MALRD1: variants seen among roughly 807,000 people sequenced by gnomAD.
The protein encoded by MALRD1 is MAM and LDL receptor class A domain containing 1.
Under a neutral mutation model 242.1 loss-of-function variants are expected in MALRD1, and 247 were observed. That is an observed-to-expected ratio of 1.02 (90% CI 0.92 to 1.13). The LOEUF is 1.13. Among genes scored for constraint, MALRD1 ranks in the 50% most tolerant of loss-of-function variants. MALRD1 has a pLI of 0.00. For missense variants in MALRD1, 2,989 were observed against 2,533.1 expected (o/e 1.18, Z -3.86); for synonymous variants, 995 against 866.6 (o/e 1.15, Z -2.60).
intron 29 of MALRD1, among the ~76,000 whole-genome samples, chr10:19,468,614 C>T (rs560798698): frequency 2.2e-4 from 34 of 151,666 alleles, no homozygotes; most frequent in South Asian, 2.1e-4. Context: ...TCTTTGGCAA[C>T]GAGATAAAAT....
At chr10:19,319,704 G>T (rs1436328693) in intron 21 of MALRD1, among the ~76,000 whole-genome samples, 1 of 151,992 alleles carries the variant, frequency 6.6e-6, no homozygotes, top group Non-Finnish European at 1.5e-5. Context: ...TCACGCGGTA[G>T]AAGGGACTTG....
At chr10:19,626,991 G>C (rs550179973) in intron 36 of MALRD1, among the ~76,000 whole-genome samples, 1 of 152,116 alleles carries the variant, frequency 6.6e-6, no homozygotes, top group African/African-American at 2.4e-5. Flanking sequence ...TATGAAGCTG[G>C]AACAGGAATA....
chr10:19,337,843 A>G (rs1440213306), intron 24 of MALRD1, among the ~76,000 whole-genome samples: 1 of 151,986 alleles, frequency 6.6e-6, no homozygotes, highest in Non-Finnish European at 1.5e-5. Flanking sequence ...TGGGTGGATC[A>G]TGAGGTCAGG....
intron 32 of MALRD1, among the ~76,000 whole-genome samples, chr10:19,557,410 A>G (rs1371102690): frequency 6.6e-6 from 1 of 152,102 alleles, no homozygotes; most frequent in Non-Finnish European, 1.5e-5. Context: ...CAAGTTTTAT[A>G]GTTTGCAGTT....
chr10:19,323,998 T>A lies in MALRD1; in HGVS notation c.3469T>A (p.Phe1157Ile). Residue 1157 changes from phenylalanine (F) to isoleucine (I), a missense_variant, in exon 22 of 40, where the codon TTT becomes ATT. Transcript: ENST00000454679. ...GTATGCTGACAGTTCTAATGGGAAATTTGGTGACACGGCTGACATTCTCAC... is the reference window on the plus strand; with the variant it reads ...GTATGCTGACAGTTCTAATGGGAAAATTGGTGACACGGCTGACATTCTCAC... The part of the protein sequence containing the change: ...YLYADSSNGK[F>I]GDTADILTPI... The A allele has an allele frequency of 4.5e-6, 7 of 1,550,838 alleles. No homozygotes were observed. The highest frequency in any genetic ancestry group is 6.1e-6 in the Non-Finnish European group (7 of 1,146,930).
intron 16 of MALRD1, 83 bp from the exon 17 acceptor site, chr10:19,204,815 T>C: frequency 2.2e-6 from 3 of 1,356,710 alleles, no homozygotes; most frequent in Non-Finnish European, 3.0e-6. Flanking sequence ...AAATTGACTG[T>C]TGACTGAGTA....
chr10:19,560,540 T>C (rs900098520), intron 32 of MALRD1, among the ~76,000 whole-genome samples: 7 of 152,100 alleles, frequency 4.6e-5, no homozygotes, highest in African/African-American at 1.7e-4. Flanking sequence ...CTATTCCCAA[T>C]AGCAAAGACT....
chr10:19,140,531 GTGTGTGTGTGTA>G (rs1329513399), intron 10 of MALRD1, among the ~76,000 whole-genome samples: 1 of 118,500 alleles, frequency 8.4e-6, no homozygotes, highest in Admixed American at 1.0e-4. Flanking sequence ...AGTGGGGTGT[GTGTGTGTGTGTA>G]TGTGTGTGTG....
At chr10:19,283,337 A>G (rs1840916152) in intron 21 of MALRD1, among the ~76,000 whole-genome samples, 156 bp downstream of exon 21, 1 of 152,208 alleles carries the variant, frequency 6.6e-6, no homozygotes, top group Non-Finnish European at 1.5e-5. Context: ...AAATGGAAAA[A>G]TTATCAATTA....
At chr10:19,284,951 G>A (rs1344661287) in intron 21 of MALRD1, among the ~76,000 whole-genome samples, 1 of 27,910 alleles carries the variant, frequency 3.6e-5, no homozygotes, top group Non-Finnish European at 5.3e-5. Flanking sequence ...ATTCTAACTG[G>A]TGTGAGATGA....
chr10:19,146,093 C>G (rs1030404206), intron 10 of MALRD1, 105 bp from the exon 11 acceptor site: 1 of 798,548 alleles, frequency 1.3e-6, no homozygotes, highest in African/African-American at 1.8e-5. Context: ...CACTACCAAG[C>G]AGAATAATTT....
chr10:19,573,590 A>T (rs1274746172), intron 33 of MALRD1, among the ~76,000 whole-genome samples: 12 of 144,134 alleles, frequency 8.3e-5, no homozygotes, highest in Non-Finnish European at 1.5e-5. Flanking sequence ...CTTTCCCCCT[A>T]AAAAAGAAAA....
intron 5 of MALRD1, among the ~76,000 whole-genome samples, chr10:19,106,063 T>C (rs1371412303): frequency 1.3e-5 from 2 of 151,922 alleles, no homozygotes; most frequent in African/African-American, 2.4e-5. Context: ...TGTTTATTTA[T>C]TCTATGAGTG....
chr10:19,237,574 A>T (rs189918305), intron 18 of MALRD1, among the ~76,000 whole-genome samples: 16 of 17,920 alleles, frequency 8.9e-4, no homozygotes, highest in Admixed American at 1.1e-3. Context: ...AAAATTATAT[A>T]TAATTATAAT....
intron 28 of MALRD1, among the ~76,000 whole-genome samples, chr10:19,422,011 T>TCC (rs1833734957): frequency 6.6e-6 from 1 of 152,128 alleles, no homozygotes. Context: ...TAATGAATGA[T>TCC]CCCAGTAATG....
intron 27 of MALRD1, chr10:19,389,131 T>G (rs1846221622): frequency 2.4e-6 from 1 of 408,770 alleles, no homozygotes; most frequent in African/African-American, 2.1e-5. Context: ...AGTCTTTACA[T>G]TATTTTACAA....
At chr10:19,338,036 T>C (rs1422297449) in intron 24 of MALRD1, among the ~76,000 whole-genome samples, 2 of 148,710 alleles carry the variant, frequency 1.3e-5, no homozygotes, top group South Asian at 2.1e-4. Context: ...CACTCCAGCC[T>C]GGTGACAGAG....
At chr10:19,544,196 G>T (rs3844352) in intron 32 of MALRD1, among the ~76,000 whole-genome samples, 143,231 of 151,720 alleles carry the variant, frequency 0.94, 67,644 homozygotes, top group East Asian at 1. Flanking sequence ...GGTGTTTTTG[G>T]TTTTTTTTTT....
chr10:19,354,533 C>T lies in MALRD1; in HGVS notation c.4441+2236C>T, dbSNP rs528365422. On this transcript the variant is annotated intron_variant, in intron 26 of 39. Coordinates refer to ENST00000454679, the MANE Select transcript of MALRD1 (RefSeq NM_001142308.3). ...TCTCTTTATCTCCCCATCCCCACTA[C>T]CCTTTCCAGCCTCTGGTAACTACCA... Among the ~76,000 whole-genome samples, 5 of 152,200 alleles carry T rather than the reference C, an allele frequency of 3.3e-5. No homozygotes were observed. In the East Asian group the frequency reaches 9.7e-4, roughly 29 times the overall value.
Sources: allele counts gnomAD v4.1 joint callset (sites outside exome capture counted in the v4.1 genomes callset), GRCh38; gene constraint gnomAD v4.1.1; transcripts MANE v1.5; gene names NCBI Gene and HGNC (gene_info 2026-07-23, HGNC 2026-07-21).